Variants in SAMD7 observed in about 807,000 individuals in gnomAD.
SAMD7 encodes sterile alpha motif domain containing 7.
Under a neutral mutation model 36.7 loss-of-function variants are expected in SAMD7, and 34 were observed. That is an observed-to-expected ratio of 0.93 (90% CI 0.71 to 1.23). The LOEUF (loss-of-function observed/expected upper bound fraction) is 1.23. Among genes scored for constraint, SAMD7 ranks in the 50% most tolerant of loss-of-function variants. The pLI is 0.00. For missense variants in SAMD7, 570 were observed against 546.6 expected (o/e 1.04, Z -0.43); for synonymous variants, 188 against 189.7 (o/e 0.99, Z 0.07).
chr3:169,923,369 T>C (rs1232246324), intron 4 of SAMD7, among the ~76,000 whole-genome samples: 1 of 152,172 alleles, frequency 6.6e-6, no homozygotes, highest in Admixed American at 6.5e-5. Flanking sequence ...CAGCAGATCC[T>C]GGATGGAAGC....
At chr3:169,925,513 T>G (rs1312330986) in intron 5 of SAMD7, among the ~76,000 whole-genome samples, 1 of 149,264 alleles carries the variant, frequency 6.7e-6, no homozygotes, top group Non-Finnish European at 1.5e-5. Context: ...GATCATGAGG[T>G]CAGGAGTTCA....
At chr3:169,924,975 A>T in intron 4 of SAMD7, 83 bp from the exon 5 acceptor site, 1 of 842,238 alleles carries the variant, frequency 1.2e-6, no homozygotes, top group Non-Finnish European at 1.8e-6. Flanking sequence ...ATACTGTTTT[A>T]CATTGTTATA....
At chr3:169,937,763 GGTAAATA>G (rs1713777157) in intron 8 of SAMD7, among the ~76,000 whole-genome samples, 1 of 152,060 alleles carries the variant, frequency 6.6e-6, no homozygotes, top group African/African-American at 2.4e-5. Flanking sequence ...TATTCCTTTG[GGTAAATA>G]GCCAGTAATG....
chr3:169,934,191 G>T (rs1452077240), intron 7 of SAMD7, among the ~76,000 whole-genome samples: 4 of 152,152 alleles, frequency 2.6e-5, no homozygotes, highest in African/African-American at 4.8e-5. Context: ...GGAGCGGCAT[G>T]GTTAGCTTTA....
At chr3:169,934,365 C>T (rs985559523) in intron 7 of SAMD7, among the ~76,000 whole-genome samples, 1 of 151,770 alleles carries the variant, frequency 6.6e-6, no homozygotes, top group African/African-American at 2.4e-5. Context: ...GCAAGATGGC[C>T]AAAAAGAAGC....
intron 8 of SAMD7, 76 bp from the exon 9 acceptor site, chr3:169,938,242 C>CT: frequency 2.2e-6 from 2 of 928,490 alleles, no homozygotes; most frequent in Admixed American, 2.1e-5. Context: ...CTCAGCCTCT[C>CT]TGTGATGTGT....
intron 4 of SAMD7, among the ~76,000 whole-genome samples, chr3:169,921,678 G>T (rs938652883): frequency 6.6e-6 from 1 of 152,194 alleles, no homozygotes; most frequent in African/African-American, 2.4e-5. Flanking sequence ...TGGGCCCGAT[G>T]GTCATAGTGA....
intron 2 of SAMD7, among the ~76,000 whole-genome samples, chr3:169,915,823 C>T (rs1388058506): frequency 1.3e-5 from 2 of 151,952 alleles, no homozygotes; most frequent in Non-Finnish European, 2.9e-5. Context: ...GATGATCCAC[C>T]CACCTCGGCC....
Position 169,927,170 on chromosome 3 carries a change from C to A in SAMD7, c.908C>A (p.Pro303Gln). The part of the protein sequence containing the change: ...KNGVCPPVPR[P>Q]SLPGTHALVT... The stretch of plus-strand genomic sequence containing the variant: ...GGGGTTTGCCCTCCAGTTCCTCGAC[C>A]ATCTCTGCCAGGTGGGTGTCCAGGG... Residue 303 changes from proline (P) to glutamine (Q), a missense_variant, in exon 6 of 9, where the codon CCA becomes CAA. Coordinates refer to ENST00000335556, the MANE Select transcript of SAMD7 (RefSeq NM_001304366.2). 6.5e-7 allele frequency: 1 copy of A among 1,527,018 alleles called. No individual in the cohort carries two copies. The highest frequency in any genetic ancestry group is 1.3e-5 in the South Asian group (1 of 74,972). The allele number at this position is 1,527,018 out of a possible 1,614,324, so 94.6% of individuals were successfully genotyped here. A position where few individuals can be genotyped will look rare whatever the true frequency, so the allele number is the denominator to read the frequency against.
At chr3:169,927,406 T>C (rs1405965958) in intron 6 of SAMD7, among the ~76,000 whole-genome samples, 2 of 144,038 alleles carry the variant, frequency 1.4e-5, no homozygotes, top group African/African-American at 5.1e-5. Context: ...GCCATTCTCC[T>C]GCCTCAGCCT....
chr3:169,919,401 C>A, intron 2 of SAMD7, 57 bp from the exon 3 acceptor site: 1 of 936,186 alleles, frequency 1.1e-6, no homozygotes, highest in Non-Finnish European at 1.7e-6. Context: ...AAGAAGAATT[C>A]AAATAGTTCA....
At chr3:169,937,487 T>C (rs1252567445) in intron 8 of SAMD7, among the ~76,000 whole-genome samples, 1 of 152,126 alleles carries the variant, frequency 6.6e-6, no homozygotes, top group African/African-American at 2.4e-5. Context: ...CAGCTCCCAC[T>C]TATAAGTGAG....
At chr3:169,913,104 A>G (rs1712669200) in intron 1 of SAMD7, among the ~76,000 whole-genome samples, 1 of 152,218 alleles carries the variant, frequency 6.6e-6, no homozygotes, top group Non-Finnish European at 1.5e-5. Flanking sequence ...ACATCTATTT[A>G]TCTTACATTT....
At chr3:169,937,617 C>T (rs180702936) in intron 8 of SAMD7, among the ~76,000 whole-genome samples, 1 of 152,286 alleles carries the variant, frequency 6.6e-6, no homozygotes, top group East Asian at 1.9e-4. Context: ...CATAGTATTC[C>T]ATGGTGTATA....
At chr3:169,926,388 T>C in intron 5 of SAMD7, 165 bp from the exon 6 acceptor site, 3 of 1,159,198 alleles carry the variant, frequency 2.6e-6, no homozygotes, top group Non-Finnish European at 2.4e-6. Context: ...CTTCAGATCT[T>C]ACTCAAAACT....
Position 169,919,502 on chromosome 3 carries a change from G to A in SAMD7, c.4G>A (p.Ala2Thr). 1 of 1,613,938 alleles carries A rather than the reference G, an allele frequency of 6.2e-7. No homozygotes were observed. The highest frequency in any genetic ancestry group is 8.5e-7 in the Non-Finnish European group (1 of 1,179,792). The change falls in exon 3 of 9, where the codon GCT (alanine) becomes ACT (threonine). Residue 2 changes from alanine (A) to threonine (T), a missense_variant. By Grantham distance (58) the Ala-to-Thr change is moderately conservative. Transcript: ENST00000335556. ...GATATTGAAGACAAACCCGGTGATGGCTGTGAACCCTTTATTGACACCAAC... is the reference window on the plus strand; with the variant it reads ...GATATTGAAGACAAACCCGGTGATGACTGTGAACCCTTTATTGACACCAAC... Reference protein sequence around the residue: MAVNPLLTPTGQ... With the variant: MTVNPLLTPTGQ...
At chr3:169,917,737 G>T (rs1316892341) in intron 2 of SAMD7, among the ~76,000 whole-genome samples, 3 of 151,520 alleles carry the variant, frequency 2.0e-5, no homozygotes. Context: ...CGCCTCCCAG[G>T]TTCACACCAT....
At chr3:169,930,536 C>G (rs1267651504) in intron 7 of SAMD7, among the ~76,000 whole-genome samples, 2 of 151,592 alleles carry the variant, frequency 1.3e-5, no homozygotes, top group African/African-American at 4.9e-5. Context: ...CTAAAATGTC[C>G]CATCAGGTGT....
At chr3:169,916,633 G>A (rs1576826319) in intron 2 of SAMD7, among the ~76,000 whole-genome samples, 2 of 152,324 alleles carry the variant, frequency 1.3e-5, no homozygotes, top group African/African-American at 4.8e-5. Flanking sequence ...GGGCAAGAGA[G>A]TGAGACTCTG....
Sources: allele counts gnomAD v4.1 joint callset (sites outside exome capture counted in the v4.1 genomes callset), GRCh38; gene constraint gnomAD v4.1.1; transcripts MANE v1.5; gene names NCBI Gene and HGNC (gene_info 2026-07-23, HGNC 2026-07-21).